The following AFTPH variants were observed in gnomAD, a reference collection of about 807,000 sequenced individuals.
The protein encoded by AFTPH is aftiphilin.
AFTPH carries 7 observed loss-of-function variants against 72.5 expected under a neutral mutation model. The observed-to-expected ratio is 0.10, with a 90% confidence interval of 0.05 to 0.18. The LOEUF (loss-of-function observed/expected upper bound fraction) is 0.18. Among genes scored for constraint, AFTPH ranks in the 10% least tolerant of loss-of-function variants. The probability of loss-of-function intolerance (pLI) is 1.00; values close to 1 mark genes in which losing one functional copy is unlikely to be tolerated. For synonymous variants in AFTPH, 337 were observed against 370.1 expected, an observed-to-expected ratio of 0.91 and a Z score of 1.03; for missense variants, 979 against 1,060.5, an observed-to-expected ratio of 0.92 and a Z score of 1.07.
In AFTPH at chr2:64,551,379, A is replaced by C. The variant is rs573159751; in HGVS notation, c.-32-64A>C. 997 of 1,306,296 alleles carry C rather than the reference A, an allele frequency of 7.6e-4. 2 individuals carry two copies. Among genetic ancestry groups the C allele is most frequent in the Non-Finnish European group, 1.0e-3 (955 of 957,738 alleles). 80.9% of individuals were successfully genotyped at this position (1,306,296 alleles called of 1,614,324 possible). On this transcript the variant is annotated intron_variant, in intron 1 of 8. Transcript: ENST00000238856. ...ATTGTTTTAAAGTAGCTTTGAGAGA[A>C]TTTTGAAAGATCTTGTTCTATGTAA...
At chr2:64,567,165 G>T (rs1381807877) in intron 2 of AFTPH, among the ~76,000 whole-genome samples, 1 of 152,168 alleles carries the variant, frequency 6.6e-6, no homozygotes, top group African/African-American at 2.4e-5. Flanking sequence ...AGACATTCCA[G>T]TGTGGTGGAA....
At chr2:64,525,168 A>G (rs913127005) in intron 1 of AFTPH, among the ~76,000 whole-genome samples, 3 of 152,176 alleles carry the variant, frequency 2.0e-5, no homozygotes, top group Non-Finnish European at 2.9e-5. Context: ...CCTTCCTCAG[A>G]GTACCTTTTC....
Position 64,569,682 on chromosome 2 carries a change from A to G in AFTPH, c.2271+3A>G, listed in dbSNP as rs137907854. On this transcript the variant is annotated splice_donor_region_variant and intron_variant, in intron 5 of 8. Transcript: ENST00000238856. ...TGCCCATGTATGCAGCAGGATTGGT[A>G]AGTACAAAAATCTCTCTGCATGTAT... The G allele has an allele frequency of 5.8e-4, 936 of 1,613,296 alleles. No individual in the cohort carries two copies. Among genetic ancestry groups the G allele is most frequent in the Non-Finnish European group, 6.9e-4 (808 of 1,179,440 alleles).
chr2:64,587,051 G>C (rs62137272), intron 8 of AFTPH, among the ~76,000 whole-genome samples: 1 of 152,286 alleles, frequency 6.6e-6, no homozygotes, highest in East Asian at 1.9e-4. Context: ...CCAATGATGA[G>C]AATTCATTTC....
chr2:64,570,283 T>C (rs570050986), intron 5 of AFTPH, among the ~76,000 whole-genome samples: 60 of 152,198 alleles, frequency 3.9e-4, no homozygotes, highest in Non-Finnish European at 7.8e-4. Context: ...TTGGTGTGTA[T>C]TTTTATCGAT....
chr2:64,542,502 A>G (rs1670314567), intron 1 of AFTPH, among the ~76,000 whole-genome samples: 2 of 152,096 alleles, frequency 1.3e-5, no homozygotes, highest in East Asian at 1.9e-4. Flanking sequence ...GCATTTTTCT[A>G]TTTCACTTCA....
At chr2:64,548,175 T>G (rs1670769388) in intron 1 of AFTPH, among the ~76,000 whole-genome samples, 1 of 144,412 alleles carries the variant, frequency 6.9e-6, no homozygotes, top group Admixed American at 6.8e-5. Flanking sequence ...GGGTGGATCA[T>G]GAGGTCAGGA....
chr2:64,543,291 C>T lies in AFTPH; in HGVS notation c.-32-8152C>T, dbSNP rs114807206. Among the ~76,000 whole-genome samples the T allele has an allele frequency of 8.7e-3, 1,318 of 152,290 alleles. 27 individuals are homozygous for T. Among genetic ancestry groups the T allele is most frequent in the African/African-American group, 0.03 (1,241 of 41,558 alleles). On this transcript the variant is annotated intron_variant, in intron 1 of 8. Coordinates refer to ENST00000238856, the Ensembl canonical transcript of AFTPH. ...CTGGATATGAGTTCTTTGACAGTTACATGTTTTGCACATATCTTCTCCCAG... is the reference window on the plus strand; with the variant it reads ...CTGGATATGAGTTCTTTGACAGTTATATGTTTTGCACATATCTTCTCCCAG...
At chr2:64,576,118 C>CACACACACGT (rs1553404165) in intron 6 of AFTPH, among the ~76,000 whole-genome samples, 76 of 137,052 alleles carry the variant, frequency 5.5e-4, no homozygotes, top group South Asian at 1.6e-3. Context: ...CACACACACA[C>CACACACACGT]GTGTGTCATA....
intron 1 of AFTPH, among the ~76,000 whole-genome samples, chr2:64,548,290 G>A (rs1670781305): frequency 6.8e-6 from 1 of 146,450 alleles, no homozygotes; most frequent in Non-Finnish European, 1.5e-5. Context: ...CTACTCGGGA[G>A]GCTGAGGCAG....
At chr2:64,590,841 C>CTAT (rs1347779185) in intron 8 of AFTPH, among the ~76,000 whole-genome samples, 2 of 152,206 alleles carry the variant, frequency 1.3e-5, no homozygotes, top group Non-Finnish European at 2.9e-5. Flanking sequence ...AAGCCTGTAG[C>CTAT]TATCCTTCCT....
chr2:64,538,956 AC>A (rs1468717696), intron 1 of AFTPH, among the ~76,000 whole-genome samples: 3 of 150,076 alleles, frequency 2.0e-5, no homozygotes, highest in Non-Finnish European at 1.5e-5. Context: ...TGCCACAGTT[AC>A]GTTTTTAGGT....
exon 2 of AFTPH, chr2:64,552,674 C>T (rs1671122137): frequency 3.1e-6 from 5 of 1,614,106 alleles, no homozygotes; most frequent in Non-Finnish European, 4.2e-6. Context: ...ACATTGACCC[C>T]ACAGAAGAAA....
chr2:64,574,556 G>A (rs1427725270), intron 6 of AFTPH, among the ~76,000 whole-genome samples: 1 of 152,224 alleles, frequency 6.6e-6, no homozygotes, highest in Non-Finnish European at 1.5e-5. Context: ...TTTAGAAAAT[G>A]TGTAAAGCAT....
At chr2:64,545,876 T>G (rs938175499) in intron 1 of AFTPH, among the ~76,000 whole-genome samples, 2 of 150,270 alleles carry the variant, frequency 1.3e-5, no homozygotes, top group Non-Finnish European at 3.0e-5. Flanking sequence ...CAAACGCAAG[T>G]TTTTTTTTGT....
At chr2:64,585,611 G>T (rs1015640899) in intron 8 of AFTPH, 66 bp downstream of exon 9, 1 of 1,525,738 alleles carries the variant, frequency 6.6e-7, no homozygotes, top group Non-Finnish European at 8.8e-7. Context: ...AAAGGAAAAA[G>T]CATGTCAGTT....
At chr2:64,537,150 C>T (rs1332799060) in intron 1 of AFTPH, among the ~76,000 whole-genome samples, 1 of 151,894 alleles carries the variant, frequency 6.6e-6, no homozygotes, top group East Asian at 1.9e-4. Context: ...ACAAACAATA[C>T]TGGAATCAAT....
chr2:64,587,555 T>C (rs767525870), intron 8 of AFTPH, among the ~76,000 whole-genome samples: 12 of 152,234 alleles, frequency 7.9e-5, no homozygotes, highest in Non-Finnish European at 1.6e-4. Flanking sequence ...CTCAGCAAAA[T>C]CTTCTTGGCT....
chr2:64,579,641 T>A, intron 7 of AFTPH, 95 bp downstream of exon 7: 2 of 1,111,418 alleles, frequency 1.8e-6, no homozygotes, highest in Non-Finnish European at 2.7e-6. Context: ...CTTTTTTGTT[T>A]GAACATAACT....
Sources: allele counts gnomAD v4.1 joint callset (sites outside exome capture counted in the v4.1 genomes callset), GRCh38; gene constraint gnomAD v4.1.1; transcripts MANE v1.5; gene names NCBI Gene and HGNC (gene_info 2026-07-23, HGNC 2026-07-21).